Variants in TFEC observed in about 807,000 individuals in gnomAD.
TFEC encodes class E basic helix-loop-helix protein 34.
TFEC carries 31 observed loss-of-function variants against 41.6 expected under a neutral mutation model. The ratio of observed to expected loss-of-function variants is 0.74; its 90% confidence interval spans 0.56 to 1.01. The LOEUF (loss-of-function observed/expected upper bound fraction) is 1.01, where lower values mean the gene tolerates loss of function less well. TFEC is among the 50% of genes least tolerant of loss of function. The pLI is 0.00. For missense variants in TFEC, 402 were observed against 404.1 expected (o/e 0.99, Z 0.04); for synonymous variants, 143 against 140.6 (o/e 1.02, Z -0.12).
rs940406786 is a variant in TFEC at position 116,156,983 on chromosome 7, T to A, written c.-69+2807A>T. ...ACCTTTTGTTTAATACTGAATTTTATTTTGAAATAACTACAACTAAAATGG... is the reference window on the plus strand; with the variant it reads ...ACCTTTTGTTTAATACTGAATTTTAATTTGAAATAACTACAACTAAAATGG... On this transcript the variant is annotated intron_variant, in intron 1 of 8. Transcript: ENST00000484212. Among the ~76,000 whole-genome samples the A allele has an allele frequency of 4.0e-3, 605 of 152,296 alleles. 4 individuals are homozygous for A. The highest frequency in any genetic ancestry group is 0.014 in the African/African-American group (570 of 41,560).
intron 3 of TFEC, among the ~76,000 whole-genome samples, chr7:116,101,310 A>T (rs917757368): frequency 5.3e-5 from 8 of 152,060 alleles, no homozygotes; most frequent in African/African-American, 1.9e-4. Flanking sequence ...ACAGCAAGAG[A>T]GGAAAAAAAG....
intron 2 of TFEC, among the ~76,000 whole-genome samples, chr7:115,977,005 C>T (rs139106669): frequency 1.7e-3 from 252 of 152,256 alleles, no homozygotes; most frequent in African/African-American, 5.8e-3. Context: ...ACTACTATCC[C>T]TCATTTCTGT....
At chr7:116,090,270 G>A (rs117839525) in intron 3 of TFEC, among the ~76,000 whole-genome samples, 2,469 of 152,068 alleles carry the variant, frequency 0.016, 31 homozygotes, top group Middle Eastern at 0.058. Context: ...GACTGATTGC[G>A]GGCCACCAAT....
At chr7:115,964,415 A>G (rs1030422184) in intron 3 of TFEC, among the ~76,000 whole-genome samples, 3 of 151,536 alleles carry the variant, frequency 2.0e-5, no homozygotes, top group African/African-American at 7.3e-5. Flanking sequence ...AAATCATACA[A>G]AGACATTAGA....
At chr7:115,987,994 C>T (rs1793932660) in intron 1 of TFEC, among the ~76,000 whole-genome samples, 1 of 152,016 alleles carries the variant, frequency 6.6e-6, no homozygotes, top group Non-Finnish European at 1.5e-5. Context: ...GTTTTTAAAA[C>T]AATAAGTAAA....
At chr7:116,043,070 G>A (rs1341859312) in intron 3 of TFEC, among the ~76,000 whole-genome samples, 1 of 152,082 alleles carries the variant, frequency 6.6e-6, no homozygotes, top group African/African-American at 2.4e-5. Context: ...AGAAAGAGAG[G>A]TACTATAACA....
intron 3 of TFEC, among the ~76,000 whole-genome samples, chr7:116,053,217 A>G (rs1796355023): frequency 6.6e-6 from 1 of 152,184 alleles, no homozygotes; most frequent in Admixed American, 6.5e-5. Context: ...GGGAGATGGA[A>G]TGAATCTTGG....
chr7:115,992,473 G>T (rs1007851480), intron 1 of TFEC, among the ~76,000 whole-genome samples: 4 of 152,132 alleles, frequency 2.6e-5, no homozygotes, highest in Non-Finnish European at 2.9e-5. Context: ...GACTGTTACA[G>T]AAGAAAAGAC....
chr7:115,985,045 C>T (rs929833592), intron 1 of TFEC, among the ~76,000 whole-genome samples: 1 of 151,852 alleles, frequency 6.6e-6, no homozygotes, highest in African/African-American at 2.4e-5. Flanking sequence ...TTTTTTTCTA[C>T]TTTTCTGTAC....
In TFEC at chr7:115,974,768, T is replaced by C. The variant is rs184974296; in HGVS notation, c.181-512A>G. Among the ~76,000 whole-genome samples, 3 of 152,024 alleles carry C rather than the reference T, an allele frequency of 2.0e-5. No individual in the cohort carries two copies. The East Asian group carries it at 5.8e-4, about 29-fold the overall frequency. Reference sequence around the variant, plus strand: ...ATATTACCCAGTACATTCCTGTAGATATAGAAGAGACGGAAACATTTCATC... The same window carrying C: ...ATATTACCCAGTACATTCCTGTAGACATAGAAGAGACGGAAACATTTCATC... On this transcript the variant is annotated intron_variant, in intron 2 of 7. Coordinates refer to ENST00000265440, the MANE Select transcript of TFEC (RefSeq NM_012252.4).
At chr7:116,124,547 A>T (rs1182919256) in intron 1 of TFEC, among the ~76,000 whole-genome samples, 1 of 152,162 alleles carries the variant, frequency 6.6e-6, no homozygotes, top group Non-Finnish European at 1.5e-5. Context: ...AAAATATTAA[A>T]TAATCTACTC....
chr7:116,038,432 TG>T (rs1795960256), intron 3 of TFEC, among the ~76,000 whole-genome samples: 1 of 152,016 alleles, frequency 6.6e-6, no homozygotes, highest in South Asian at 2.1e-4. Context: ...CATAAACGAC[TG>T]ATAAGACTTA....
At chr7:116,074,759 G>C (rs529187926) in intron 3 of TFEC, among the ~76,000 whole-genome samples, 1 of 152,116 alleles carries the variant, frequency 6.6e-6, no homozygotes, top group African/African-American at 2.4e-5. Flanking sequence ...CACATACATA[G>C]GGTATATATA....
In TFEC at chr7:116,116,696, T is replaced by A. The variant is rs1030140308; in HGVS notation, c.-68-4658A>T. On this transcript the variant is annotated intron_variant, in intron 1 of 8. Transcript: ENST00000484212. Reference sequence around the variant, plus strand: ...ATAATAGAATCTACTATTCTATGAATGAGCAAATAAGAGCACATGTCCCCA... The same window carrying A: ...ATAATAGAATCTACTATTCTATGAAAGAGCAAATAAGAGCACATGTCCCCA... Among the ~76,000 whole-genome samples the A allele has an allele frequency of 2.3e-3, 354 of 151,948 alleles. 4 individuals carry two copies. The highest frequency in any genetic ancestry group is 8.4e-3 in the African/African-American group (347 of 41,424).
chr7:116,033,713 T>G (rs1335427835), upstream of TFEC, among the ~76,000 whole-genome samples: 1 of 152,098 alleles, frequency 6.6e-6, no homozygotes, highest in Non-Finnish European at 1.5e-5. Context: ...TCCTCTCACC[T>G]GTAATCTACA....
intron 3 of TFEC, among the ~76,000 whole-genome samples, chr7:116,074,504 A>G (rs1366869549): frequency 1.3e-5 from 2 of 152,172 alleles, no homozygotes; most frequent in Non-Finnish European, 2.9e-5. Context: ...GCACATGAAA[A>G]GATGTTAAAT....
chr7:116,084,192 T>C (rs1797152982), intron 3 of TFEC, among the ~76,000 whole-genome samples: 1 of 151,936 alleles, frequency 6.6e-6, no homozygotes, highest in African/African-American at 2.4e-5. Context: ...AACCCAATTC[T>C]TGGCATTTTT....
At chr7:116,153,840 G>T (rs1798814209) in intron 1 of TFEC, among the ~76,000 whole-genome samples, 1 of 152,110 alleles carries the variant, frequency 6.6e-6, no homozygotes, top group Admixed American at 6.5e-5. Flanking sequence ...AACAAAGACA[G>T]AAAAAGACTT....
intron 1 of TFEC, among the ~76,000 whole-genome samples, chr7:116,151,106 G>A (rs1798751279): frequency 6.6e-6 from 1 of 152,006 alleles, no homozygotes; most frequent in Non-Finnish European, 1.5e-5. Context: ...TGCTTAATCA[G>A]TAGCATATGA....
Sources: allele counts gnomAD v4.1 joint callset (sites outside exome capture counted in the v4.1 genomes callset), GRCh38; gene constraint gnomAD v4.1.1; transcripts MANE v1.5; gene names NCBI Gene and HGNC (gene_info 2026-07-23, HGNC 2026-07-21).